The following ANKS1B variants were observed in gnomAD, a reference collection of about 807,000 sequenced individuals.
ANKS1B encodes the protein ankyrin repeat and sterile alpha motif domain-containing protein 1B.
A neutral mutation model predicts 148.3 loss-of-function variants in ANKS1B; 36 were observed. That is an observed-to-expected ratio of 0.24 (90% confidence interval 0.19 to 0.32). The LOEUF is 0.32. Ranked by LOEUF, ANKS1B falls within the 10% of genes least tolerant of loss-of-function variation. ANKS1B has a pLI of 1.00. For missense variants in ANKS1B, 1,157 were observed against 1,542.6 expected, an observed-to-expected ratio of 0.75 and a Z score of 4.19; for synonymous variants, 542 against 560.8, an observed-to-expected ratio of 0.97 and a Z score of 0.47.
intron 1 of ANKS1B, among the ~76,000 whole-genome samples, chr12:99,848,553 A>G (rs2087110363): frequency 6.6e-6 from 1 of 152,190 alleles, no homozygotes; most frequent in African/African-American, 2.4e-5. Flanking sequence ...GAACCCAGAA[A>G]CAGACCCTAA....
intron 16 of ANKS1B, among the ~76,000 whole-genome samples, chr12:99,069,579 G>A (rs761057353): frequency 6.6e-6 from 1 of 152,158 alleles, no homozygotes; most frequent in Non-Finnish European, 1.5e-5. Flanking sequence ...TATAACCTTA[G>A]AAATCATTTA....
chr12:99,897,336 C>T (rs948504998), intron 1 of ANKS1B, among the ~76,000 whole-genome samples: 2 of 150,946 alleles, frequency 1.3e-5, no homozygotes, highest in African/African-American at 2.4e-5. Context: ...TTTCATTGTA[C>T]ACAAAATGAG....
chr12:99,853,745 G>T (rs148096835), intron 1 of ANKS1B, among the ~76,000 whole-genome samples: 1,629 of 152,154 alleles, frequency 0.011, 8 homozygotes, highest in Non-Finnish European at 0.016. Flanking sequence ...GTCAGAAAAA[G>T]AATTCAGAAG....
At chr12:99,704,084 T>C (rs1187200706) in intron 8 of ANKS1B, among the ~76,000 whole-genome samples, 1 of 152,166 alleles carries the variant, frequency 6.6e-6, no homozygotes, top group African/African-American at 2.4e-5. Context: ...CCAAAGTTTA[T>C]AACTTGTTCC....
At chr12:98,981,398 C>T (rs566426124) in intron 17 of ANKS1B, among the ~76,000 whole-genome samples, 15 of 152,014 alleles carry the variant, frequency 9.9e-5, no homozygotes, top group Non-Finnish European at 1.6e-4. Flanking sequence ...TGCAATGGCA[C>T]GATGTCAGCT....
intron 17 of ANKS1B, among the ~76,000 whole-genome samples, chr12:98,850,787 TG>T (rs11289869): frequency 0.87 from 128,043 of 147,538 alleles, 55,426 homozygotes; most frequent in East Asian, 0.99. Context: ...ATTTTTAAGA[TG>T]GAAAAAAAAA....
At chr12:99,695,717 T>G (rs1430177775) in intron 8 of ANKS1B, among the ~76,000 whole-genome samples, 1 of 151,942 alleles carries the variant, frequency 6.6e-6, no homozygotes, top group Non-Finnish European at 1.5e-5. Context: ...CAACACTCAC[T>G]GGGGCCTGTC....
chr12:99,030,613 C>T (rs1406865035), intron 17 of ANKS1B, among the ~76,000 whole-genome samples: 1 of 152,208 alleles, frequency 6.6e-6, no homozygotes, highest in African/African-American at 2.4e-5. Context: ...TCTAGGCTCA[C>T]TTTAAGGTCC....
At chr12:99,864,355 TCAAA>T (rs2090457824) in intron 1 of ANKS1B, among the ~76,000 whole-genome samples, 1 of 152,156 alleles carries the variant, frequency 6.6e-6, no homozygotes, top group African/African-American at 2.4e-5. Context: ...GCCATGAAAA[TCAAA>T]GGTTTTCATG....
intron 17 of ANKS1B, among the ~76,000 whole-genome samples, chr12:99,001,244 C>A (rs1164430199): frequency 6.6e-6 from 1 of 152,154 alleles, no homozygotes; most frequent in Non-Finnish European, 1.5e-5. Flanking sequence ...GTGATCTTCC[C>A]ACGTCAGTCT....
At chr12:98,908,359 G>C (rs1314818434) in intron 17 of ANKS1B, among the ~76,000 whole-genome samples, 2 of 152,156 alleles carry the variant, frequency 1.3e-5, no homozygotes, top group Non-Finnish European at 2.9e-5. Context: ...TACTGCTGGG[G>C]AGGCTACCAT....
intron 12 of ANKS1B, among the ~76,000 whole-genome samples, chr12:99,289,949 CAG>C (rs571035284): frequency 7.4e-4 from 112 of 150,946 alleles, no homozygotes; most frequent in South Asian, 5.9e-3. Flanking sequence ...ATAACAGAAA[CAG>C]AAAAGAATAA....
At chr12:99,378,856 A>G (rs1325240038) in intron 12 of ANKS1B, among the ~76,000 whole-genome samples, 1 of 152,144 alleles carries the variant, frequency 6.6e-6, no homozygotes, top group East Asian at 1.9e-4. Context: ...GTCGTGGCCA[A>G]CTCTCAGAGA....
At chr12:98,797,456 T>C (rs1357567125) in intron 22 of ANKS1B, among the ~76,000 whole-genome samples, 1 of 152,192 alleles carries the variant, frequency 6.6e-6, no homozygotes, top group African/African-American at 2.4e-5. Context: ...ACTCAGTAAA[T>C]GTTAGCAGCT....
intron 12 of ANKS1B, among the ~76,000 whole-genome samples, chr12:99,395,726 T>C (rs1301199682): frequency 6.6e-6 from 1 of 152,178 alleles, no homozygotes; most frequent in Non-Finnish European, 1.5e-5. Flanking sequence ...GATTCACAAG[T>C]TGAAGCTTTA....
At chr12:99,039,498 G>A (rs912865879) in intron 17 of ANKS1B, among the ~76,000 whole-genome samples, 2 of 152,166 alleles carry the variant, frequency 1.3e-5, no homozygotes, top group Admixed American at 6.5e-5. Flanking sequence ...GTGGAGAGGC[G>A]CGATGAACCC....
chr12:99,671,424 C>A (rs952801073), intron 8 of ANKS1B, among the ~76,000 whole-genome samples: 1 of 152,022 alleles, frequency 6.6e-6, no homozygotes, highest in Non-Finnish European at 1.5e-5. Flanking sequence ...TCAACAGCCC[C>A]GCAATCAAAA....
At chr12:99,429,167 AAACG>A (rs925360006) in intron 11 of ANKS1B, among the ~76,000 whole-genome samples, 21 of 152,130 alleles carry the variant, frequency 1.4e-4, no homozygotes, top group African/African-American at 4.6e-4. Context: ...ACAAACAAAC[AAACG>A]AAGAGAAAGA....
chr12:99,268,899 A>G (rs1311117180), intron 12 of ANKS1B, among the ~76,000 whole-genome samples: 2 of 152,198 alleles, frequency 1.3e-5, no homozygotes, highest in Non-Finnish European at 2.9e-5. Flanking sequence ...ATTTGAGACA[A>G]TAAGTTCTGT....
Sources: gnomAD v4.1 joint callset for allele counts (sites outside exome capture counted in the v4.1 genomes callset) on GRCh38, gnomAD v4.1.1 for gene constraint, MANE v1.5 for transcripts, NCBI Gene and HGNC (gene_info 2026-07-23, HGNC 2026-07-21) for gene names.